Variants in COL14A1 observed in about 807,000 individuals in gnomAD.
COL14A1 encodes the protein collagen type XIV alpha 1 chain.
A neutral mutation model predicts 230.3 loss-of-function variants in COL14A1; 136 were observed. That is an observed-to-expected ratio of 0.59 (90% CI 0.51 to 0.68). The LOEUF is 0.68. Among genes scored for constraint, COL14A1 ranks in the 30% least tolerant of loss-of-function variants. The pLI, the probability that COL14A1 is intolerant of heterozygous loss-of-function variation, is 0.00. For missense variants in COL14A1, 1,976 were observed against 2,215.8 expected (o/e 0.89, Z 2.17); for synonymous variants, 792 against 784.1 (o/e 1.01, Z -0.17).
At chr8:120,341,411 C>CA in intron 43 of COL14A1, 51 bp downstream of exon 43, 1 of 1,578,742 alleles carries the variant, frequency 6.3e-7, no homozygotes, top group South Asian at 1.1e-5. Flanking sequence ...GCACCCCTTC[C>CA]ATTGCATAAG....
chr8:120,337,401 T>TAAAAAAAA (rs60418574), intron 42 of COL14A1, among the ~76,000 whole-genome samples: 6 of 129,448 alleles, frequency 4.6e-5, no homozygotes, highest in East Asian at 2.2e-4. Context: ...GTCTCAAAAT[T>TAAAAAAAA]AAAAAAAAAA....
intron 4 of COL14A1, among the ~76,000 whole-genome samples, chr8:120,166,186 C>T (rs1169149950): frequency 2.0e-5 from 3 of 152,100 alleles, no homozygotes; most frequent in Non-Finnish European, 4.4e-5. Flanking sequence ...GGAAAGGTGA[C>T]ATTTGAACTA....
intron 9 of COL14A1, among the ~76,000 whole-genome samples, chr8:120,204,870 A>G (rs777539007): frequency 6.6e-6 from 1 of 152,202 alleles, no homozygotes; most frequent in Admixed American, 6.6e-5. Flanking sequence ...TTGAGGGTCC[A>G]GGCAGGCTCT....
intron 37 of COL14A1, 54 bp downstream of exon 37, chr8:120,310,116 A>C: frequency 1.3e-6 from 2 of 1,559,166 alleles, no homozygotes; most frequent in East Asian, 2.2e-5. Flanking sequence ...CTCTCTCATA[A>C]ATAGCCATCA....
intron 14 of COL14A1, among the ~76,000 whole-genome samples, chr8:120,217,692 A>C (rs1015867323): frequency 1.3e-5 from 2 of 152,120 alleles, no homozygotes; most frequent in African/African-American, 4.8e-5. Context: ...GAGTCTGGTC[A>C]TTTGGATGAG....
intron 2 of COL14A1, 84 bp downstream of exon 2, chr8:120,148,014 C>A: frequency 2.0e-6 from 2 of 1,003,754 alleles, no homozygotes; most frequent in Non-Finnish European, 3.0e-6. Flanking sequence ...TTTATCCTAA[C>A]AATATGTCGG....
chr8:120,266,114 G>A (rs1404775329), intron 24 of COL14A1, among the ~76,000 whole-genome samples: 6 of 151,922 alleles, frequency 3.9e-5, no homozygotes, highest in South Asian at 2.1e-4. Flanking sequence ...TAATAACATC[G>A]TATTTTATGT....
intron 32 of COL14A1, among the ~76,000 whole-genome samples, chr8:120,284,877 C>T (rs2129927257): frequency 6.6e-6 from 1 of 152,084 alleles, no homozygotes; most frequent in Non-Finnish European, 1.5e-5. Flanking sequence ...TATTCTCTCA[C>T]AAGGTTAGTA....
At chr8:120,207,238 T>A (rs1411822476) in intron 10 of COL14A1, 144 bp downstream of exon 10, 5 of 740,478 alleles carry the variant, frequency 6.8e-6, no homozygotes, top group Non-Finnish European at 1.0e-5. Context: ...TTCCACTTGT[T>A]CATATTGTTC....
At chr8:120,248,736 C>A (rs570483621) in intron 21 of COL14A1, among the ~76,000 whole-genome samples, 197 of 151,952 alleles carry the variant, frequency 1.3e-3, no homozygotes, top group African/African-American at 4.5e-3. Flanking sequence ...TGCACCGTAC[C>A]CCCAGCTACC....
At chr8:120,302,880 C>T (rs7845246) in intron 36 of COL14A1, among the ~76,000 whole-genome samples, 82,169 of 152,000 alleles carry the variant, frequency 0.54, 24,011 homozygotes, top group African/African-American at 0.79. Context: ...GAGCATGAAA[C>T]GTTTTTCCAT....
At chr8:120,140,191 A>G (rs1814854245) in intron 1 of COL14A1, among the ~76,000 whole-genome samples, 1 of 152,110 alleles carries the variant, frequency 6.6e-6, no homozygotes, top group Non-Finnish European at 1.5e-5. Flanking sequence ...CTCACTCACA[A>G]TTTTCTATTC....
chr8:120,222,195 G>A (rs1253319092), intron 14 of COL14A1, among the ~76,000 whole-genome samples: 1 of 152,174 alleles, frequency 6.6e-6, no homozygotes, highest in African/African-American at 2.4e-5. Context: ...ACAGGATTGT[G>A]ATAAGGATTA....
At chr8:120,361,373 T>C (rs1823208400) in intron 45 of COL14A1, among the ~76,000 whole-genome samples, 1 of 152,228 alleles carries the variant, frequency 6.6e-6, no homozygotes, top group Non-Finnish European at 1.5e-5. Context: ...TTTCCATTCC[T>C]GTCCATCTTA....
intron 8 of COL14A1, among the ~76,000 whole-genome samples, chr8:120,203,352 G>A (rs1817318294): frequency 1.0e-5 from 1 of 97,860 alleles, no homozygotes; most frequent in Admixed American, 1.1e-4. Flanking sequence ...TCAGATGGGG[G>A]TGGGGGGGGG....
chr8:120,199,122 C>T (rs1179697807), intron 7 of COL14A1, among the ~76,000 whole-genome samples: 2 of 152,134 alleles, frequency 1.3e-5, no homozygotes, highest in East Asian at 1.9e-4. Context: ...TCTGCTTGTA[C>T]ATGAAATCTA....
rs10106989 is a variant in COL14A1 at position 120,252,926 on chromosome 8, C to A, written c.2752+2160C>A. 9.1e-4 allele frequency among the ~76,000 whole-genome samples: 139 copies of A among 152,222 alleles called. 1 individual carries two copies. The highest frequency in any genetic ancestry group is 3.2e-3 in the African/African-American group (133 of 41,542). On this transcript the variant is annotated intron_variant, in intron 22 of 47. Coordinates refer to ENST00000297848, the MANE Select transcript of COL14A1 (RefSeq NM_021110.4). ...CTCTCTGTCGTGGAATATCTTGAGA[C>A]CTTAAAGGCTAGACAGTGAATAAAT...
chr8:120,307,898 T>C (rs908240912), intron 36 of COL14A1, among the ~76,000 whole-genome samples: 3 of 152,244 alleles, frequency 2.0e-5, no homozygotes, highest in African/African-American at 7.2e-5. Flanking sequence ...ACGATTCTAC[T>C]CTTGGTATCT....
chr8:120,249,820 G>A (rs1386503886), intron 21 of COL14A1, among the ~76,000 whole-genome samples: 1 of 152,164 alleles, frequency 6.6e-6, no homozygotes, highest in Non-Finnish European at 1.5e-5. Context: ...TTGTACGTGT[G>A]GGGCATGGGA....
Sources: allele counts gnomAD v4.1 joint callset (sites outside exome capture counted in the v4.1 genomes callset), GRCh38; gene constraint gnomAD v4.1.1; transcripts MANE v1.5; gene names NCBI Gene and HGNC (gene_info 2026-07-23, HGNC 2026-07-21).